CMYA5: variants seen among roughly 807,000 people sequenced by gnomAD.
CMYA5 encodes the protein cardiomyopathy-associated protein 5.
In CMYA5, 246 loss-of-function variants were observed where a neutral mutation model predicts 318.9. The observed-to-expected ratio is 0.77, with a 90% CI of 0.70 to 0.86. The LOEUF (loss-of-function observed/expected upper bound fraction) is 0.86. Among genes scored for constraint, CMYA5 ranks in the 40% least tolerant of loss-of-function variants. CMYA5 has a pLI of 0.00. For missense variants in CMYA5, 4,589 were observed against 4,678.2 expected, an observed-to-expected ratio of 0.98 and a Z score of 0.56; for synonymous variants, 1,641 against 1,729.5, an observed-to-expected ratio of 0.95 and a Z score of 1.27.
chr5:79,719,758 G>T (rs6869496), intron 1 of CMYA5, among the ~76,000 whole-genome samples: 68,696 of 151,920 alleles, frequency 0.45, 16,607 homozygotes, highest in African/African-American at 0.62. Flanking sequence ...AAAGAGTAAT[G>T]CTTGCTCAGG....
At chr5:79,739,534 C>T (rs540808088) in intron 2 of CMYA5, 131 bp downstream of exon 2, 30 of 738,304 alleles carry the variant, frequency 4.1e-5, no homozygotes, top group African/African-American at 3.8e-4. Context: ...TGAAAGCAAA[C>T]TAAGAATATT....
intron 2 of CMYA5, among the ~76,000 whole-genome samples, chr5:79,740,866 TG>T (rs1336013460): frequency 1.3e-5 from 2 of 152,116 alleles, no homozygotes; most frequent in African/African-American, 4.8e-5. Flanking sequence ...ACTATTTTTT[TG>T]TTTTTGTTTC....
At chr5:79,757,522 A>G (rs1828554759) in intron 6 of CMYA5, among the ~76,000 whole-genome samples, 1 of 152,220 alleles carries the variant, frequency 6.6e-6, no homozygotes, top group South Asian at 2.1e-4. Context: ...TTAGTAATTA[A>G]AAAAATTGAT....
chr5:79,774,074 G>A (rs1236892449), intron 9 of CMYA5, among the ~76,000 whole-genome samples: 2 of 152,154 alleles, frequency 1.3e-5, no homozygotes, highest in Non-Finnish European at 1.5e-5. Context: ...GGCCTCTGGC[G>A]ATTCCAATTT....
intron 9 of CMYA5, among the ~76,000 whole-genome samples, chr5:79,777,288 C>G (rs1219131382): frequency 6.6e-6 from 1 of 152,192 alleles, no homozygotes; most frequent in Non-Finnish European, 1.5e-5. Flanking sequence ...ACCCAATTCT[C>G]CTCCCCAGAA....
Position 79,737,745 on chromosome 5 carries a change from G to A in CMYA5, c.8980G>A (p.Asp2994Asn), listed in dbSNP as rs1828112226. 5 of 1,611,708 alleles carry A rather than the reference G, an allele frequency of 3.1e-6. No homozygotes were observed. The East Asian group carries it at 1.1e-4, about 36-fold the overall frequency. ...ASFKTIPLPDDSETVACHKTL... is the reference protein window; with the variant it reads ...ASFKTIPLPDNSETVACHKTL... Reference sequence around the variant, plus strand: ...ATTTAAAACCATACCACTCCCTGATGATAGTGAAACAGTTGCTTGTCATAA... The same window carrying A: ...ATTTAAAACCATACCACTCCCTGATAATAGTGAAACAGTTGCTTGTCATAA... Residue 2994 changes from aspartate to asparagine, a missense_variant, in exon 2 of 13, where the codon GAT (aspartate) becomes AAT (asparagine). Physicochemically the swap from Asp to Asn is conservative, Grantham distance 23 (BLOSUM62 1). Transcript: ENST00000446378.
chr5:79,726,044 TTTA>T (rs1230981697), intron 1 of CMYA5, among the ~76,000 whole-genome samples: 4 of 152,236 alleles, frequency 2.6e-5, no homozygotes, highest in Non-Finnish European at 5.9e-5. Context: ...TCAATGAAAG[TTTA>T]TTAAGTTTAT....
chr5:79,760,394 G>A (rs1464719383), intron 7 of CMYA5, among the ~76,000 whole-genome samples: 1 of 152,162 alleles, frequency 6.6e-6, no homozygotes, highest in African/African-American at 2.4e-5. Flanking sequence ...GGATGTATTA[G>A]TTCATTCTCA....
At position 79,737,480 on chromosome 5, in the gene CMYA5, T is replaced by C. The variant is rs1324850019; in HGVS notation, c.8715T>C (p.Asp2905=). 3 of 1,613,614 alleles carry C rather than the reference T, an allele frequency of 1.9e-6. No homozygotes were observed. The Admixed American group carries it at 5.0e-5, about 27-fold the overall frequency. The change falls in exon 2 of 13, where the codon GAT becomes GAC. Residue 2905 remains aspartate (D), a synonymous_variant. Coordinates refer to ENST00000446378, the MANE Select transcript of CMYA5 (RefSeq NM_153610.5). ...CTAATACATCAGCAAGCAATGCTGA[T>C]AAAATGGTTTCTAATAAAGAAATGC... ...FISNTSASNA[D]KMVSNKEMPK...
chr5:79,731,524 A>T lies in CMYA5; in HGVS notation c.2759A>T (p.His920Leu), dbSNP rs759896611. The change falls in exon 2 of 13, where the codon CAT (histidine) becomes CTT (leucine). Residue 920 changes from histidine to leucine, a missense_variant. Coordinates refer to ENST00000446378, the MANE Select transcript of CMYA5 (RefSeq NM_153610.5). ...GAGGCACAGGAGGAAGAAATTGTCC[A>T]TAGATCTCTAAATCTAAAAGGTGCA... is the stretch of plus-strand genomic sequence containing the variant. ...TPEAQEEEIV[H>L]RSLNLKGASS... 4.4e-6 allele frequency: 7 copies of T among 1,603,456 alleles called. No homozygotes were observed. Among genetic ancestry groups the T allele is most frequent in the African/African-American group, 4.0e-5 (3 of 74,586 alleles).
At chr5:79,772,424 T>C (rs981246330) in intron 9 of CMYA5, among the ~76,000 whole-genome samples, 1 of 152,210 alleles carries the variant, frequency 6.6e-6, no homozygotes, top group African/African-American at 2.4e-5. Flanking sequence ...ATTTAGGTAC[T>C]AAGAGGCCCC....
rs1827834279 is a variant in CMYA5 at position 79,729,777 on chromosome 5, T to C, written c.1012T>C (p.Leu338=). Residue 338 remains leucine, a synonymous_variant, in exon 2 of 13, where the codon TTG becomes CTG. Transcript: ENST00000446378. ...ADSPLNATSA[L]EHTVPSYSSS... is the part of the protein sequence containing the mutation. ...TTCTCCCCTAAATGCCACATCTGCA[T>C]TGGAGCACACAGTTCCCTCTTATTC... 30 of 1,613,966 alleles carry C rather than the reference T, an allele frequency of 1.9e-5. No homozygotes were observed. The highest frequency in any genetic ancestry group is 2.5e-5 in the Non-Finnish European group (29 of 1,179,872).
intron 1 of CMYA5, among the ~76,000 whole-genome samples, chr5:79,702,471 C>G (rs1580746464): frequency 6.6e-6 from 1 of 152,096 alleles, no homozygotes; most frequent in African/African-American, 2.4e-5. Flanking sequence ...ACCCTGAAAA[C>G]TTTATGCTAA....
chr5:79,735,099 G>T lies in CMYA5; in HGVS notation c.6334G>T (p.Val2112Phe). The T allele has an allele frequency of 6.2e-7, 1 of 1,613,790 alleles. No individual in the cohort carries two copies. Among genetic ancestry groups the T allele is most frequent in the Admixed American group, 1.7e-5 (1 of 59,972 alleles). The change falls in exon 2 of 13, where the codon GTT (valine) becomes TTT (phenylalanine). Residue 2112 changes from valine (V) to phenylalanine (F), a missense_variant. Val to Phe is a conservative substitution (Grantham distance 50). This residue lies in a region of CMYA5 where 2,431 missense variants were observed against 2,495.1 expected (regional missense o/e 0.97). Coordinates refer to ENST00000446378, the MANE Select transcript of CMYA5 (RefSeq NM_153610.5). Reference sequence around the variant, plus strand: ...AGAATCAAAAATGGTTCAGTCAAAGGTTATTGATGATGCTGATGAGGGAAA... The same window carrying T: ...AGAATCAAAAATGGTTCAGTCAAAGTTTATTGATGATGCTGATGAGGGAAA... ...LEESKMVQSK[V>F]IDDADEGKKP...
Position 79,729,892 on chromosome 5 carries a change from T to C in CMYA5, c.1127T>C (p.Val376Ala), listed in dbSNP as rs1466892751. Residue 376 changes from valine (V) to alanine (A), a missense_variant, in exon 2 of 13, where the codon GTG becomes GCG. By Grantham distance (64) the Val-to-Ala change is moderately conservative (BLOSUM62 0). Coordinates refer to ENST00000446378, the MANE Select transcript of CMYA5 (RefSeq NM_153610.5). ...QPEDEAKPHE[V>A]EPPSVTPDTP... is the part of the protein sequence containing the mutation. ...GAAGATGAAGCAAAACCACATGAAG[T>C]GGAACCTCCATCTGTGACACCCGAC... 3.1e-6 allele frequency: 5 copies of C among 1,612,692 alleles called. No homozygotes were observed. In the Admixed American group the frequency reaches 8.4e-5, roughly 27 times the overall value.
intron 1 of CMYA5, among the ~76,000 whole-genome samples, chr5:79,694,288 A>G (rs1350463183): frequency 6.6e-6 from 1 of 152,242 alleles, no homozygotes; most frequent in Non-Finnish European, 1.5e-5. Context: ...TTAAATAATA[A>G]GCACCTATAC....
chr5:79,740,683 A>G (rs1046427749), intron 2 of CMYA5, among the ~76,000 whole-genome samples: 1 of 152,094 alleles, frequency 6.6e-6, no homozygotes, highest in Non-Finnish European at 1.5e-5. Flanking sequence ...TAAATACTCC[A>G]CTTCCCTGAG....
intron 11 of CMYA5, 76 bp from the exon 12 acceptor site, chr5:79,793,361 T>C: frequency 7.1e-7 from 1 of 1,398,682 alleles, no homozygotes. Flanking sequence ...CTGTGTGAGT[T>C]TGTGAATGTT....
At chr5:79,719,915 GA>G in intron 1 of CMYA5, among the ~76,000 whole-genome samples, 1 of 152,116 alleles carries the variant, frequency 6.6e-6, no homozygotes, top group East Asian at 1.9e-4. Flanking sequence ...GAAAAGAATG[GA>G]AATTCGAAAA....
Sources: gnomAD v4.1 joint callset for allele counts (sites outside exome capture counted in the v4.1 genomes callset) on GRCh38, gnomAD v4.1.1 for gene constraint, gnomAD v4.1.1 regional missense constraint, MANE v1.5 for transcripts, NCBI Gene and HGNC (gene_info 2026-07-23, HGNC 2026-07-21) for gene names.